The following SNCAIP variants were observed in gnomAD, a reference collection of about 807,000 sequenced individuals.
SNCAIP encodes synphilin-1.
SNCAIP carries 43 observed loss-of-function variants against 86.7 expected under a neutral mutation model. The ratio of observed to expected loss-of-function variants is 0.50; its 90% CI spans 0.39 to 0.64. The LOEUF (loss-of-function observed/expected upper bound fraction) is 0.64, where lower values mean the gene tolerates loss of function less well. Among genes scored for constraint, SNCAIP ranks in the 30% least tolerant of loss-of-function variants. The pLI, the probability that SNCAIP is intolerant of heterozygous loss-of-function variation, is 0.00. For synonymous variants in SNCAIP, 417 were observed against 427.2 expected (o/e 0.98, Z 0.29); for missense variants, 981 against 1,103.1 (o/e 0.89, Z 1.57).
At chr5:122,376,446 T>C (rs1316834862) in intron 1 of SNCAIP, among the ~76,000 whole-genome samples, 1 of 152,214 alleles carries the variant, frequency 6.6e-6, no homozygotes, top group East Asian at 1.9e-4. Context: ...TCCCAGATTA[T>C]TCCATAGTTC....
intron 1 of SNCAIP, among the ~76,000 whole-genome samples, chr5:122,324,555 G>A (rs926165033): frequency 6.6e-6 from 1 of 152,212 alleles, no homozygotes. Context: ...ACAAGTAAAT[G>A]TGTTCCTAAT....
chr5:122,418,610 G>C (rs1209015851), intron 3 of SNCAIP, among the ~76,000 whole-genome samples: 1 of 152,058 alleles, frequency 6.6e-6, no homozygotes, highest in Non-Finnish European at 1.5e-5. Flanking sequence ...TTTCGAATAG[G>C]GAATTGTAAG....
At chr5:122,413,404 C>A (rs372367252) in intron 3 of SNCAIP, among the ~76,000 whole-genome samples, 1 of 152,162 alleles carries the variant, frequency 6.6e-6, no homozygotes, top group Non-Finnish European at 1.5e-5. Context: ...CAGTTTCTCA[C>A]GTAATTGGCT....
chr5:122,419,174 G>A (rs757111436), intron 3 of SNCAIP, among the ~76,000 whole-genome samples: 9 of 152,136 alleles, frequency 5.9e-5, no homozygotes, highest in Non-Finnish European at 2.9e-5. Context: ...TTTTGGGAAG[G>A]GGAGTAGCAT....
At chr5:122,385,673 A>ATGTGTGTG (rs371793989) in intron 1 of SNCAIP, among the ~76,000 whole-genome samples, 12 of 138,426 alleles carry the variant, frequency 8.7e-5, no homozygotes, top group East Asian at 6.4e-4. Context: ...GTGCGCACGT[A>ATGTGTGTG]TGTGTGTGTG....
rs892961679 is a variant in SNCAIP, at chr5:122,425,660, T to A, written c.1182+129T>A. The A allele has an allele frequency of 2.1e-5, 16 of 762,686 alleles. No individual in the cohort carries two copies. In the Admixed American group the frequency reaches 2.5e-4, roughly 12 times the overall value. 47.2% of individuals were successfully genotyped at this position (762,686 alleles called of 1,614,324 possible). A position where few individuals can be genotyped will look rare whatever the true frequency, so the allele number is the denominator to read the frequency against. On this transcript the variant is annotated intron_variant, in intron 5 of 10. Coordinates refer to ENST00000261368, the MANE Select transcript of SNCAIP (RefSeq NM_005460.4). ...GTCAAGCAAAGAGCAAATGAACATATTGCATTTAAGAGAGTAATCATTTCA... is the reference window on the plus strand; with the variant it reads ...GTCAAGCAAAGAGCAAATGAACATAATGCATTTAAGAGAGTAATCATTTCA...
chr5:122,331,123 G>A (rs995609946), intron 1 of SNCAIP, among the ~76,000 whole-genome samples: 4 of 152,172 alleles, frequency 2.6e-5, no homozygotes, highest in African/African-American at 7.2e-5. Flanking sequence ...CACAGAGGAA[G>A]CTTTGCTTGC....
At chr5:122,427,977 A>G (rs1236098178) in intron 5 of SNCAIP, among the ~76,000 whole-genome samples, 2 of 152,206 alleles carry the variant, frequency 1.3e-5, no homozygotes, top group African/African-American at 4.8e-5. Context: ...CCAAGAGTAC[A>G]TACTGTGGGA....
chr5:122,357,566 C>T (rs1580649184), intron 1 of SNCAIP, among the ~76,000 whole-genome samples: 1 of 151,846 alleles, frequency 6.6e-6, no homozygotes, highest in East Asian at 1.9e-4. Context: ...CTTTCCTGAC[C>T]CACCGTATTT....
rs560158242 is a variant in SNCAIP at position 122,429,700 on chromosome 5, G to A, written c.1183-2269G>A. Among the ~76,000 whole-genome samples the A allele has an allele frequency of 1.9e-3, 290 of 152,224 alleles. 2 individuals are homozygous for A. The highest frequency in any genetic ancestry group is 6.7e-3 in the African/African-American group (279 of 41,538). ...GCATGCTCCAATTGCGAAATTTAAG[G>A]AAAGTCTGTAATTAAGGGATTATAT... On this transcript the variant is annotated intron_variant, in intron 5 of 10. Transcript: ENST00000261368.
At chr5:122,332,448 T>G (rs914296199) in intron 1 of SNCAIP, among the ~76,000 whole-genome samples, 1 of 152,194 alleles carries the variant, frequency 6.6e-6, no homozygotes, top group Non-Finnish European at 1.5e-5. Context: ...GAAGCATACC[T>G]GCCAAATCTG....
chr5:122,442,932 G>T (rs552762015), intron 7 of SNCAIP, among the ~76,000 whole-genome samples: 1 of 152,256 alleles, frequency 6.6e-6, no homozygotes, highest in East Asian at 1.9e-4. Flanking sequence ...ATAAGAGACC[G>T]AGAGTGAGCA....
chr5:122,448,871 C>T (rs1389105890), intron 8 of SNCAIP, among the ~76,000 whole-genome samples: 1 of 150,894 alleles, frequency 6.6e-6, no homozygotes, highest in Non-Finnish European at 1.5e-5. Flanking sequence ...AAAAAATTAG[C>T]TGGGCGGAGT....
rs370764817 is a variant in SNCAIP, at chr5:122,374,392, T to C, written c.-46-16697T>C. Among the ~76,000 whole-genome samples the C allele has an allele frequency of 3.3e-5, 5 of 152,278 alleles. No homozygotes were observed. In the East Asian group the frequency reaches 7.7e-4, roughly 23 times the overall value. The stretch of plus-strand genomic sequence containing the variant: ...TCCTTTCTTGCTTATGTTGGTTAAT[T>C]ACAAAATGAAGTTGGTGACCTTCTG... On this transcript the variant is annotated intron_variant, in intron 1 of 10. Coordinates refer to ENST00000261368, the MANE Select transcript of SNCAIP (RefSeq NM_005460.4).
chr5:122,322,623 C>T (rs1753185209), intron 1 of SNCAIP, among the ~76,000 whole-genome samples: 1 of 152,162 alleles, frequency 6.6e-6, no homozygotes, highest in Non-Finnish European at 1.5e-5. Context: ...CCTGCTGTCA[C>T]ACACTATGTT....
chr5:122,320,933 T>C (rs1402535366), intron 1 of SNCAIP, among the ~76,000 whole-genome samples: 1 of 152,166 alleles, frequency 6.6e-6, no homozygotes, highest in Non-Finnish European at 1.5e-5. Flanking sequence ...CAAATTCACC[T>C]TCTTTGTAGC....
At chr5:122,367,393 T>A (rs1386134594) in intron 1 of SNCAIP, among the ~76,000 whole-genome samples, 1 of 152,124 alleles carries the variant, frequency 6.6e-6, no homozygotes, top group Non-Finnish European at 1.5e-5. Context: ...GACAAGAAAG[T>A]AGCAATGGTA....
intron 1 of SNCAIP, among the ~76,000 whole-genome samples, chr5:122,349,038 T>C (rs1420619865): frequency 6.6e-6 from 1 of 152,168 alleles, no homozygotes; most frequent in Non-Finnish European, 1.5e-5. Context: ...TGTGAAAAAG[T>C]AGATTGACCC....
intron 1 of SNCAIP, chr5:122,321,470 A>G (rs1211996872): frequency 1.3e-5 from 2 of 152,154 alleles, no homozygotes; most frequent in African/African-American, 4.8e-5. Context: ...CTTAGCTCAG[A>G]TCTTTATTGC....
Sources: gnomAD v4.1 joint callset for allele counts (sites outside exome capture counted in the v4.1 genomes callset) on GRCh38, gnomAD v4.1.1 for gene constraint, MANE v1.5 for transcripts, NCBI Gene and HGNC (gene_info 2026-07-23, HGNC 2026-07-21) for gene names.